Variants in ZFHX3 observed in about 807,000 individuals in gnomAD.
ZFHX3 encodes zinc finger homeobox 3.
ZFHX3 carries 42 observed loss-of-function variants against 279.1 expected under a neutral mutation model. The ratio of observed to expected loss-of-function variants is 0.15; its 90% CI spans 0.12 to 0.19. The LOEUF is 0.19. Among genes scored for constraint, ZFHX3 ranks in the 10% least tolerant of loss-of-function variants. The pLI is 1.00. For synonymous variants in ZFHX3, 2,293 were observed against 1,957.8 expected (o/e 1.17, Z -4.52); for missense variants, 4,981 against 4,754.0 (o/e 1.05, Z -1.40).
chr16:72,938,541 A>T (rs1960242312), intron 3 of ZFHX3, among the ~76,000 whole-genome samples: 1 of 152,156 alleles, frequency 6.6e-6, no homozygotes, highest in Admixed American at 6.5e-5. Flanking sequence ...GTTTCTGGAG[A>T]ATTTGGTGGG....
At chr16:73,644,986 G>C (rs963950751) in intron 2 of ZFHX3, among the ~76,000 whole-genome samples, 2 of 152,192 alleles carry the variant, frequency 1.3e-5, no homozygotes, top group Admixed American at 1.3e-4. Context: ...TGAGGAAATA[G>C]TGCTGAATAC....
chr16:73,684,468 C>T (rs528963599), intron 1 of ZFHX3, among the ~76,000 whole-genome samples: 1 of 152,000 alleles, frequency 6.6e-6, no homozygotes, highest in South Asian at 2.1e-4. Context: ...CTCTGAGCAT[C>T]CTAGAAGCCA....
intron 5 of ZFHX3, among the ~76,000 whole-genome samples, chr16:73,188,370 G>T (rs1027601733): frequency 2.6e-5 from 4 of 152,202 alleles, no homozygotes; most frequent in Non-Finnish European, 4.4e-5. Context: ...CTTAAAAGGG[G>T]TCCCTAAAGG....
intron 1 of ZFHX3, among the ~76,000 whole-genome samples, chr16:73,848,298 C>G (rs1277140858): frequency 6.6e-6 from 1 of 152,080 alleles, no homozygotes; most frequent in Non-Finnish European, 1.5e-5. Context: ...CAGGAGCTTC[C>G]TATTTCCAGT....
intron 8 of ZFHX3, among the ~76,000 whole-genome samples, chr16:73,075,262 C>A (rs1280567287): frequency 6.8e-6 from 1 of 146,514 alleles, no homozygotes. Context: ...TGCAGTGAGC[C>A]ATGATCACAC....
rs1306513887 is a variant in ZFHX3, at chr16:72,787,047, T to TC, written c.*116_*117insG. 1.1e-5 allele frequency: 11 copies of TC among 1,017,776 alleles called. No individual in the cohort carries two copies. The Admixed American group carries it at 1.8e-4, about 17-fold the overall frequency. 63.0% of individuals were successfully genotyped at this position (1,017,776 alleles called of 1,614,324 possible). A position where few individuals can be genotyped will look rare whatever the true frequency, so the allele number is the denominator to read the frequency against. ...CGCTTTTTCTTTTTTTTCTTTTTTTTTTTTTTTTTGTTTTTTGGTTAGAAG... is the reference window on the plus strand; with the variant it reads ...CGCTTTTTCTTTTTTTTCTTTTTTTTCTTTTTTTTTGTTTTTTGGTTAGAAG... On this transcript the variant is annotated 3_prime_UTR_variant, in exon 10 of 10. Coordinates refer to ENST00000268489, the MANE Select transcript of ZFHX3 (RefSeq NM_006885.4).
intron 3 of ZFHX3, among the ~76,000 whole-genome samples, chr16:72,891,677 C>G (rs1192046394): frequency 6.6e-6 from 1 of 152,170 alleles, no homozygotes; most frequent in Non-Finnish European, 1.5e-5. Flanking sequence ...AGGCTTGTCT[C>G]CTCCAGCCAT....
At chr16:72,921,345 C>A (rs1326623593) in intron 3 of ZFHX3, among the ~76,000 whole-genome samples, 1 of 152,124 alleles carries the variant, frequency 6.6e-6, no homozygotes, top group Non-Finnish European at 1.5e-5. Flanking sequence ...TTCCTAGACC[C>A]CATGGCGAAA....
intron 1 of ZFHX3, among the ~76,000 whole-genome samples, chr16:73,765,922 C>G (rs1421939016): frequency 1.3e-5 from 2 of 152,134 alleles, no homozygotes; most frequent in Non-Finnish European, 2.9e-5. Context: ...TGACTGAGTT[C>G]TATGGATAGT....
At chr16:72,884,537 T>C (rs1482103668) in intron 4 of ZFHX3, among the ~76,000 whole-genome samples, 2 of 152,168 alleles carry the variant, frequency 1.3e-5, no homozygotes, top group Non-Finnish European at 2.9e-5. Flanking sequence ...CAATAAAGAA[T>C]TGTTGAACTT....
intron 1 of ZFHX3, among the ~76,000 whole-genome samples, chr16:73,850,010 G>T (rs1952631051): frequency 6.6e-6 from 1 of 152,212 alleles, no homozygotes. Flanking sequence ...TGGGATTACA[G>T]GCGTGAGCCA....
intron 1 of ZFHX3, among the ~76,000 whole-genome samples, chr16:72,974,071 T>C (rs16971447): frequency 0.14 from 20,740 of 152,172 alleles, 1,682 homozygotes; most frequent in East Asian, 0.37. Flanking sequence ...AAGTAAGTGC[T>C]ATCATTCAAG....
chr16:73,339,400 C>A (rs190010604), intron 3 of ZFHX3, among the ~76,000 whole-genome samples: 5 of 152,136 alleles, frequency 3.3e-5, no homozygotes, highest in African/African-American at 1.2e-4. Flanking sequence ...GGTTCTATTA[C>A]GAAGCTCTAC....
chr16:73,427,185 C>T (rs983679221), intron 3 of ZFHX3, among the ~76,000 whole-genome samples: 1 of 152,176 alleles, frequency 6.6e-6, no homozygotes, highest in Non-Finnish European at 1.5e-5. Flanking sequence ...CTGGAAAGAT[C>T]AGCATCTCCA....
intron 5 of ZFHX3, among the ~76,000 whole-genome samples, chr16:73,245,094 T>C (rs1326572577): frequency 6.6e-6 from 1 of 152,152 alleles, no homozygotes; most frequent in Non-Finnish European, 1.5e-5. Flanking sequence ...ACTCCACTTG[T>C]ATGGACAATG....
intron 2 of ZFHX3, among the ~76,000 whole-genome samples, chr16:73,666,913 T>C (rs1156727767): frequency 6.6e-6 from 1 of 151,994 alleles, no homozygotes. Context: ...CCTATGGGAT[T>C]CATCCACGTT....
chr16:73,179,287 C>T (rs554443733), intron 5 of ZFHX3, among the ~76,000 whole-genome samples: 1 of 152,138 alleles, frequency 6.6e-6, no homozygotes, highest in African/African-American at 2.4e-5. Flanking sequence ...GACATCAAAC[C>T]ATTCCTTTTA....
chr16:73,123,118 G>A (rs1966520246), intron 7 of ZFHX3, among the ~76,000 whole-genome samples: 1 of 150,978 alleles, frequency 6.6e-6, no homozygotes, highest in Admixed American at 6.6e-5. Flanking sequence ...CCCCCACATT[G>A]CTTTTCTGAC....
chr16:72,885,286 T>C (rs1261702046), intron 4 of ZFHX3, among the ~76,000 whole-genome samples: 1 of 152,274 alleles, frequency 6.6e-6, no homozygotes, highest in Non-Finnish European at 1.5e-5. Flanking sequence ...GCCAAGGCTC[T>C]GTCCACTGGT....
Sources: gnomAD v4.1 joint callset for allele counts (sites outside exome capture counted in the v4.1 genomes callset) on GRCh38, gnomAD v4.1.1 for gene constraint, MANE v1.5 for transcripts, NCBI Gene and HGNC (gene_info 2026-07-23, HGNC 2026-07-21) for gene names.